The following IFIH1 variants were observed in gnomAD, a reference collection of about 807,000 sequenced individuals.
The protein encoded by IFIH1 is interferon induced with helicase C domain 1, also known as interferon-induced helicase C domain-containing protein 1.
Under a neutral mutation model 107.4 loss-of-function variants are expected in IFIH1, and 125 were observed. The ratio of observed to expected loss-of-function variants is 1.16; its 90% CI spans 1.01 to 1.35. The LOEUF (loss-of-function observed/expected upper bound fraction) is 1.35, where lower values mean the gene tolerates loss of function less well. IFIH1 is among the 40% of genes most tolerant of loss of function. The probability of loss-of-function intolerance (pLI) is 0.00; values close to 1 mark genes in which losing one functional copy is unlikely to be tolerated. For missense variants in IFIH1, 1,333 were observed against 1,213.7 expected, an observed-to-expected ratio of 1.10 and a Z score of -1.46; for synonymous variants, 458 against 413.2, an observed-to-expected ratio of 1.11 and a Z score of -1.31.
chr2:162,294,923 A>G (rs1298702836), intron 3 of IFIH1, among the ~76,000 whole-genome samples: 2 of 151,984 alleles, frequency 1.3e-5, no homozygotes, highest in African/African-American at 4.8e-5. Context: ...CTTCTCTGAA[A>G]AGAGATGATA....
intron 3 of IFIH1, among the ~76,000 whole-genome samples, chr2:162,305,945 T>C (rs1476931631): frequency 6.6e-6 from 1 of 152,214 alleles, no homozygotes; most frequent in African/African-American, 2.4e-5. Context: ...TAAGCCTGAA[T>C]GAGAATATTT....
chr2:162,314,398 C>T (rs55710373), intron 1 of IFIH1, among the ~76,000 whole-genome samples: 40,259 of 66,920 alleles, frequency 0.6, 13,334 homozygotes, highest in South Asian at 0.73. Flanking sequence ...CTCCCTCCCT[C>T]CTTTCTTTCT....
chr2:162,285,026 G>A (rs1259996158), intron 5 of IFIH1, among the ~76,000 whole-genome samples: 1 of 151,986 alleles, frequency 6.6e-6, no homozygotes, highest in Non-Finnish European at 1.5e-5. Context: ...TCTGGGTGGT[G>A]TTGACTTCCT....
At chr2:162,286,952 T>C (rs1462598753) in intron 5 of IFIH1, among the ~76,000 whole-genome samples, 2 of 151,998 alleles carry the variant, frequency 1.3e-5, no homozygotes, top group African/African-American at 4.8e-5. Flanking sequence ...GTTACTAATT[T>C]GTCTAATTCA....
chr2:162,302,136 T>A (rs1683204097), intron 3 of IFIH1, among the ~76,000 whole-genome samples: 1 of 152,126 alleles, frequency 6.6e-6, no homozygotes, highest in Non-Finnish European at 1.5e-5. Context: ...GGATATGTGT[T>A]TAAAATTAGT....
chr2:162,271,039 T>C (rs1691026008), intron 13 of IFIH1, among the ~76,000 whole-genome samples: 1 of 152,172 alleles, frequency 6.6e-6, no homozygotes, highest in Non-Finnish European at 1.5e-5. Flanking sequence ...TTTGCTATTA[T>C]AGTAGTTACA....
rs777254006 is a variant in IFIH1 at position 162,310,950 on chromosome 2, T to A, written c.454-17A>T. ...AGCAGCAATCTGTTGTAAGAGAAAA[T>A]TAGAATTAAGTAAGATCAAACATCT... On this transcript the variant is annotated splice_polypyrimidine_tract_variant and intron_variant, in intron 1 of 15. Transcript: ENST00000649979. The A allele has an allele frequency of 1.2e-6, 2 of 1,603,376 alleles. No homozygotes were observed. The highest frequency in any genetic ancestry group is 1.7e-6 in the Non-Finnish European group (2 of 1,172,812).
chr2:162,307,064 T>C (rs569285783), intron 2 of IFIH1: 1 of 456,482 alleles, frequency 2.2e-6, no homozygotes, highest in African/African-American at 2.0e-5. Context: ...ATTGTTATTT[T>C]GAAAACAAAA....
intron 5 of IFIH1, among the ~76,000 whole-genome samples, chr2:162,284,561 G>C (rs574900911): frequency 9.2e-5 from 14 of 152,058 alleles, no homozygotes; most frequent in African/African-American, 3.1e-4. Flanking sequence ...GGACTCAGAA[G>C]ATAAAAGTTC....
Position 162,281,426 on chromosome 2 carries a change from T to A in IFIH1, c.1426A>T (p.Lys476Ter), listed in dbSNP as rs778487639. Residue 476 changes from lysine to a stop codon, truncating the protein, a stop_gained, in exon 7 of 16, where the codon AAA becomes TAA. Coordinates refer to ENST00000649979, the MANE Select transcript of IFIH1 (RefSeq NM_022168.4). LOFTEE classifies it high-confidence loss of function. The stretch of plus-strand genomic sequence containing the variant: ...ATCTGAGGAAGGGGAATCACTGGTT[T>A]GTTTTCTTTCTTGAGTCTATTGTTT... Reference protein sequence around the residue: ...LKNNRLKKENKPVIPLPQILG... With the variant: ...LKNNRLKKEN 4.3e-6 allele frequency: 7 copies of A among 1,612,700 alleles called. No homozygotes were observed. The East Asian group carries it at 1.3e-4, about 31-fold the overall frequency.
intron 5 of IFIH1, 32 bp downstream of exon 5, chr2:162,288,103 T>C (rs1276530156): frequency 1.4e-6 from 2 of 1,380,358 alleles, no homozygotes; most frequent in Non-Finnish European, 2.1e-6. Flanking sequence ...ACAATGAAAA[T>C]GATCAACTAG....
At position 162,293,686 on chromosome 2, in the gene IFIH1, T is replaced by G. The variant is rs531825087; in HGVS notation, c.770-18A>C. 24 of 1,506,470 alleles carry G rather than the reference T, an allele frequency of 1.6e-5. No individual in the cohort carries two copies. The South Asian group carries it at 2.7e-4, about 17-fold the overall frequency. 93.3% of individuals were successfully genotyped at this position (1,506,470 alleles called of 1,614,324 possible). On this transcript the variant is annotated intron_variant, in intron 3 of 15. Coordinates refer to ENST00000649979, the MANE Select transcript of IFIH1 (RefSeq NM_022168.4). Reference sequence around the variant, plus strand: ...GTCTGATTCTGCAAAGGAAAACATTTTAAAATATTTTTAAAATATTTCTGA... The same window carrying G: ...GTCTGATTCTGCAAAGGAAAACATTGTAAAATATTTTTAAAATATTTCTGA...
At chr2:162,278,021 A>T (rs956385089) in intron 9 of IFIH1, among the ~76,000 whole-genome samples, 184 bp downstream of exon 9, 1 of 152,164 alleles carries the variant, frequency 6.6e-6, no homozygotes, top group African/African-American at 2.4e-5. Flanking sequence ...ATTGGATAGC[A>T]TTGGAATCTC....
intron 6 of IFIH1, 95 bp from the exon 7 acceptor site, chr2:162,281,640 C>CT (rs1682812492): frequency 1.2e-6 from 1 of 858,756 alleles, no homozygotes; most frequent in South Asian, 1.7e-5. Flanking sequence ...TTGGGGATGC[C>CT]TTCTCTTGGG....
intron 3 of IFIH1, among the ~76,000 whole-genome samples, chr2:162,294,916 C>T (rs1227499867): frequency 6.6e-6 from 1 of 151,862 alleles, no homozygotes; most frequent in Non-Finnish European, 1.5e-5. Context: ...AATAAAACTT[C>T]TCTGAAAAGA....
chr2:162,307,083 C>T, intron 2 of IFIH1: 1 of 414,256 alleles, frequency 2.4e-6, no homozygotes, highest in East Asian at 4.0e-5. Context: ...AATGGAGAGC[C>T]CGCAATAGAG....
At chr2:162,288,928 C>CACACACACAA (rs1682945586) in intron 4 of IFIH1, among the ~76,000 whole-genome samples, 1 of 148,466 alleles carries the variant, frequency 6.7e-6, no homozygotes, top group African/African-American at 2.6e-5. Flanking sequence ...CACACACACA[C>CACACACACAA]ACACACACAC....
Position 162,273,895 on chromosome 2 carries a change from A to G in IFIH1, c.2354T>C (p.Leu785Pro). 1 of 1,609,902 alleles carries G rather than the reference A, an allele frequency of 6.2e-7. No homozygotes were observed. The highest frequency in any genetic ancestry group is 8.5e-7 in the Non-Finnish European group (1 of 1,176,964). ...TTCTGCCACTGTGGTAGCGATAAGC[A>G]GATTTATTTTTCCAGTGCGAAATTT... Reference protein sequence around the residue: ...ISKFRTGKINLLIATTVAEEG... With the variant: ...ISKFRTGKINPLIATTVAEEG... Residue 785 changes from leucine (L) to proline (P), a missense_variant, in exon 12 of 16, where the codon CTG becomes CCG. Leu to Pro is a moderately conservative substitution (Grantham distance 98, BLOSUM62 -3). Coordinates refer to ENST00000649979, the MANE Select transcript of IFIH1 (RefSeq NM_022168.4).
At chr2:162,298,790 GCACACACA>G (rs144124365) in intron 3 of IFIH1, among the ~76,000 whole-genome samples, 2 of 149,194 alleles carry the variant, frequency 1.3e-5, no homozygotes, top group African/African-American at 2.4e-5. Context: ...ACGCGCGCGC[GCACACACA>G]CACACACACA....
Sources: gnomAD v4.1 joint callset for allele counts (sites outside exome capture counted in the v4.1 genomes callset) on GRCh38, gnomAD v4.1.1 for gene constraint, MANE v1.5 for transcripts, NCBI Gene and HGNC (gene_info 2026-07-23, HGNC 2026-07-21) for gene names.